TEX9: variants seen among roughly 807,000 people sequenced by gnomAD.
TEX9 encodes the protein testis expressed 9.
In TEX9, 74 loss-of-function variants were observed where a neutral mutation model predicts 59.6. The observed-to-expected ratio is 1.24, with a 90% CI of 1.03 to 1.51. The LOEUF is 1.51. Ranked by LOEUF, TEX9 falls within the 40% of genes most tolerant of loss-of-function variation. The pLI, the probability that TEX9 is intolerant of heterozygous loss-of-function variation, is 0.00. For missense variants in TEX9, 522 were observed against 447.8 expected, an observed-to-expected ratio of 1.17 and a Z score of -1.49; for synonymous variants, 186 against 152.2, an observed-to-expected ratio of 1.22 and a Z score of -1.64.
At chr15:56,319,071 C>G (rs1407062974) in intron 1 of TEX9, among the ~76,000 whole-genome samples, 1 of 151,626 alleles carries the variant, frequency 6.6e-6, no homozygotes, top group Non-Finnish European at 1.5e-5. Context: ...TTTAAAAATC[C>G]CACCAGTATT....
chr15:56,394,891 G>T (rs1465706432), intron 9 of TEX9, 57 bp downstream of exon 9: 2 of 1,528,956 alleles, frequency 1.3e-6, no homozygotes, highest in Non-Finnish European at 1.8e-6. Flanking sequence ...AATTATTAAG[G>T]TTACACATTT....
At chr15:56,431,166 C>T (rs2050582660) in intron 12 of TEX9, among the ~76,000 whole-genome samples, 1 of 152,104 alleles carries the variant, frequency 6.6e-6, no homozygotes, top group Non-Finnish European at 1.5e-5. Context: ...AAATCAAGCT[C>T]ATACATCTAA....
At chr15:56,385,881 T>C (rs184175653) in intron 4 of TEX9, among the ~76,000 whole-genome samples, 1 of 152,180 alleles carries the variant, frequency 6.6e-6, no homozygotes, top group African/African-American at 2.4e-5. Context: ...TCATGTGAAA[T>C]ATTGGGACAT....
At chr15:56,369,356 A>AT (rs34693580) in intron 2 of TEX9, among the ~76,000 whole-genome samples, 44,731 of 142,540 alleles carry the variant, frequency 0.31, 7,424 homozygotes, top group Middle Eastern at 0.48. Context: ...TGCCATGCTA[A>AT]TTTTTTTTTT....
chr15:56,376,821 T>C (rs184217882), intron 3 of TEX9, among the ~76,000 whole-genome samples: 130 of 152,286 alleles, frequency 8.5e-4, no homozygotes, highest in Admixed American at 1.8e-3. Flanking sequence ...CAAGAAATCT[T>C]TGTCTACTCC....
intron 1 of TEX9, among the ~76,000 whole-genome samples, chr15:56,329,243 T>C (rs1353751567): frequency 2.0e-5 from 3 of 152,122 alleles, no homozygotes; most frequent in African/African-American, 7.2e-5. Context: ...TACCCCCTAA[T>C]GCAGGTATGG....
At chr15:56,319,910 G>A (rs969849409) in intron 1 of TEX9, among the ~76,000 whole-genome samples, 7 of 152,202 alleles carry the variant, frequency 4.6e-5, no homozygotes, top group Non-Finnish European at 1.0e-4. Context: ...TGTGAGGTAG[G>A]TGGTCCATGT....
At chr15:56,309,114 G>C (rs181780908) in intron 1 of TEX9, among the ~76,000 whole-genome samples, 4 of 152,178 alleles carry the variant, frequency 2.6e-5, no homozygotes, top group Non-Finnish European at 5.9e-5. Context: ...AAATTGTTTT[G>C]AATCTGCAGA....
upstream of TEX9, chr15:56,365,421 G>C (rs750386754): frequency 1.9e-6 from 3 of 1,604,926 alleles, no homozygotes; most frequent in Non-Finnish European, 2.6e-6. Context: ...ATGCGTCGTT[G>C]CCTCGGTAAC....
chr15:56,327,901 C>T (rs1326914811), intron 1 of TEX9, among the ~76,000 whole-genome samples: 1 of 152,092 alleles, frequency 6.6e-6, no homozygotes, highest in Non-Finnish European at 1.5e-5. Flanking sequence ...ACTTGAAAGG[C>T]AGTCTAGGCC....
At position 56,365,767 on chromosome 15, in the gene TEX9, CCACT is replaced by C. The variant is rs1179509455; in HGVS notation, c.119+103_119+106del. 8.5e-6 allele frequency: 13 copies of C among 1,537,914 alleles called. No individual in the cohort carries two copies. In the East Asian group the frequency reaches 1.6e-4, roughly 19 times the overall value. On this transcript the variant is annotated intron_variant, in intron 2 of 12. Transcript: ENST00000352903. ...CTGGAGACTGGCTGGATCTTCGGGA[CCACT>C]CACTCTGCAGCATTCCCTTCTCGTC...
chr15:56,312,466 A>G (rs376418963), intron 1 of TEX9, among the ~76,000 whole-genome samples: 5 of 147,006 alleles, frequency 3.4e-5, no homozygotes, highest in Non-Finnish European at 7.5e-5. Context: ...GATATGCGGC[A>G]TTATTTCTGA....
intron 1 of TEX9, among the ~76,000 whole-genome samples, chr15:56,307,321 A>G (rs1374515780): frequency 1.3e-5 from 2 of 152,072 alleles, no homozygotes; most frequent in Non-Finnish European, 2.9e-5. Flanking sequence ...CTGTTACCCA[A>G]TTTTGGATTC....
At chr15:56,306,312 C>A (rs1197758311) in intron 1 of TEX9, among the ~76,000 whole-genome samples, 1 of 147,222 alleles carries the variant, frequency 6.8e-6, no homozygotes, top group Non-Finnish European at 1.5e-5. Context: ...ATCTGCACTT[C>A]CATGTGCATT....
chr15:56,251,790 A>G (rs1324951592), intron 1 of TEX9, among the ~76,000 whole-genome samples: 7 of 152,122 alleles, frequency 4.6e-5, no homozygotes, highest in Admixed American at 2.6e-4. Flanking sequence ...GCAGGTGCAA[A>G]TGAAGAGGAA....
intron 2 of TEX9, among the ~76,000 whole-genome samples, chr15:56,367,788 T>A (rs772370645): frequency 1.2e-4 from 18 of 152,198 alleles, no homozygotes; most frequent in Non-Finnish European, 2.1e-4. Context: ...TACTGAATAG[T>A]TGCTATATAA....
downstream of TEX9, chr15:56,447,792 G>A (rs1452341912): frequency 6.6e-6 from 1 of 152,048 alleles, no homozygotes; most frequent in Non-Finnish European, 1.5e-5. Flanking sequence ...TTATAAACCT[G>A]TGGTACCTCT....
At chr15:56,370,444 C>G (rs1458975839) in intron 2 of TEX9, among the ~76,000 whole-genome samples, 1 of 152,058 alleles carries the variant, frequency 6.6e-6, no homozygotes, top group Admixed American at 6.5e-5. Context: ...TTTGTGAAAA[C>G]CTGAGTCTTA....
intron 1 of TEX9, among the ~76,000 whole-genome samples, chr15:56,332,363 G>A (rs367879514): frequency 2.1e-4 from 32 of 150,892 alleles, no homozygotes; most frequent in South Asian, 8.4e-4. Flanking sequence ...GTAAACTATC[G>A]CAAGAACAAA....
Sources: allele counts gnomAD v4.1 joint callset (sites outside exome capture counted in the v4.1 genomes callset), GRCh38; gene constraint gnomAD v4.1.1; transcripts MANE v1.5; gene names NCBI Gene and HGNC (gene_info 2026-07-23, HGNC 2026-07-21).